The following MBNL1 variants were observed in gnomAD, a reference collection of about 807,000 sequenced individuals.
MBNL1 encodes muscleblind-like protein 1.
MBNL1 carries 8 observed loss-of-function variants against 42.2 expected under a neutral mutation model. That is an observed-to-expected ratio of 0.19 (90% CI 0.11 to 0.34). The LOEUF is 0.34. Among genes scored for constraint, MBNL1 ranks in the 10% least tolerant of loss-of-function variants. MBNL1 has a pLI of 1.00. For synonymous variants in MBNL1, 169 were observed against 173.9 expected (o/e 0.97, Z 0.22); for missense variants, 309 against 495.3 (o/e 0.62, Z 3.57).
intron 4 of MBNL1, among the ~76,000 whole-genome samples, chr3:152,437,954 A>G (rs2099100520): frequency 6.6e-6 from 1 of 151,928 alleles, no homozygotes. Context: ...TTGTATTTTC[A>G]GTGGAGATGG....
chr3:152,393,695 G>A (rs940072897), intron 2 of MBNL1, among the ~76,000 whole-genome samples: 1 of 151,892 alleles, frequency 6.6e-6, no homozygotes, highest in Non-Finnish European at 1.5e-5. Flanking sequence ...TTTCTATCCT[G>A]CATCACCCAG....
Position 152,420,525 on chromosome 3 carries a change from G to T in MBNL1, c.345+5414G>T, listed in dbSNP as rs542921107. Among the ~76,000 whole-genome samples the T allele has an allele frequency of 3.3e-5, 5 of 152,306 alleles. No homozygotes were observed. In the South Asian group the frequency reaches 1.0e-3, roughly 32 times the overall value. Reference sequence around the variant, plus strand: ...ACTCCAGCAGACCTGCAGCAGAGGGGCCTAACTGTTAGAAGGAAAACTAAC... The same window carrying T: ...ACTCCAGCAGACCTGCAGCAGAGGGTCCTAACTGTTAGAAGGAAAACTAAC... On this transcript the variant is annotated intron_variant, in intron 3 of 9. Coordinates refer to ENST00000324210, the MANE Select transcript of MBNL1 (RefSeq NM_021038.5).
chr3:152,310,542 T>C (rs1204128309), intron 2 of MBNL1, among the ~76,000 whole-genome samples: 1 of 152,230 alleles, frequency 6.6e-6, no homozygotes, highest in Non-Finnish European at 1.5e-5. Flanking sequence ...CATATTAGAC[T>C]GTTGTACATA....
In MBNL1 at chr3:152,432,926, A is replaced by G. The variant is rs1457538630; in HGVS notation, c.549+6A>G. On this transcript the variant is annotated splice_donor_region_variant and intron_variant, in intron 4 of 9. Transcript: ENST00000324210. Reference sequence around the variant, plus strand: ...TGCGAACAGACAGACTTGAGGTAGGAATGACTAGTTGGTGTCTTTATATAC... The same window carrying G: ...TGCGAACAGACAGACTTGAGGTAGGGATGACTAGTTGGTGTCTTTATATAC... 1 of 1,608,230 alleles carries G rather than the reference A, an allele frequency of 6.2e-7. No individual in the cohort carries two copies. Among genetic ancestry groups the G allele is most frequent in the Non-Finnish European group, 8.5e-7 (1 of 1,174,958 alleles).
chr3:152,326,390 C>A (rs1025737303), intron 2 of MBNL1, among the ~76,000 whole-genome samples: 19 of 152,102 alleles, frequency 1.2e-4, no homozygotes, highest in African/African-American at 4.3e-4. Context: ...TTAGTAATCC[C>A]TGCTTTTAAT....
intron 2 of MBNL1, among the ~76,000 whole-genome samples, chr3:152,323,072 CT>C (rs2077341332): frequency 6.6e-6 from 1 of 152,076 alleles, no homozygotes; most frequent in Non-Finnish European, 1.5e-5. Context: ...CCTAAGTAAA[CT>C]TGTGTAGAAT....
chr3:152,297,606 G>A (rs1448386952), intron 1 of MBNL1, among the ~76,000 whole-genome samples: 2 of 151,590 alleles, frequency 1.3e-5, no homozygotes, highest in Non-Finnish European at 2.9e-5. Flanking sequence ...TGCCTGCCTC[G>A]GCCTCCCAAA....
chr3:152,310,657 T>C (rs2065837266), intron 2 of MBNL1, among the ~76,000 whole-genome samples: 1 of 152,244 alleles, frequency 6.6e-6, no homozygotes, highest in Admixed American at 6.5e-5. Flanking sequence ...AAGTCACTTC[T>C]GAATAATTGC....
chr3:152,296,044 C>T (rs1354607590), intron 1 of MBNL1, among the ~76,000 whole-genome samples: 1 of 152,114 alleles, frequency 6.6e-6, no homozygotes, highest in Admixed American at 6.6e-5. Flanking sequence ...CTTTGCTGAG[C>T]AGTAAAGTAA....
chr3:152,448,791 A>T (rs1715690263), intron 6 of MBNL1, among the ~76,000 whole-genome samples: 1 of 152,172 alleles, frequency 6.6e-6, no homozygotes, highest in Non-Finnish European at 1.5e-5. Flanking sequence ...AGCTTTTAAT[A>T]CTAACCATAA....
intron 1 of MBNL1, among the ~76,000 whole-genome samples, chr3:152,279,632 A>G (rs1179589494): frequency 6.6e-6 from 1 of 152,172 alleles, no homozygotes; most frequent in African/African-American, 2.4e-5. Flanking sequence ...CATCTTCAGT[A>G]GATATGGTAT....
chr3:152,375,811 C>A (rs567018351), intron 2 of MBNL1, among the ~76,000 whole-genome samples: 255 of 150,896 alleles, frequency 1.7e-3, no homozygotes, highest in Non-Finnish European at 3.3e-3. Flanking sequence ...GGAGCCAAGA[C>A]CTTGTCTCAA....
Position 152,415,240 on chromosome 3 carries a change from CA to C in MBNL1, c.345+133del. ...TTTCAGTTGCCTTACCATTTTCTAG[CA>C]AAATTAAGTATCAGTCAAATGCTGG... On this transcript the variant is annotated intron_variant, in intron 3 of 9. Coordinates refer to ENST00000324210, the MANE Select transcript of MBNL1 (RefSeq NM_021038.5). 6 of 826,384 alleles carry C rather than the reference CA, an allele frequency of 7.3e-6. No individual in the cohort carries two copies. The South Asian group carries it at 1.7e-4, about 23-fold the overall frequency. The allele number at this position is 826,384 out of a possible 1,614,324, so 51.2% of individuals were successfully genotyped here.
At position 152,388,194 on chromosome 3, in the gene MBNL1, C is replaced by A. The variant is rs1579280730; in HGVS notation, c.175-26747C>A. 2.0e-5 allele frequency among the ~76,000 whole-genome samples: 3 copies of A among 152,124 alleles called. No homozygotes were observed. The East Asian group carries it at 5.8e-4, about 29-fold the overall frequency. On this transcript the variant is annotated intron_variant, in intron 2 of 9. Coordinates refer to ENST00000324210, the MANE Select transcript of MBNL1 (RefSeq NM_021038.5). Reference sequence around the variant, plus strand: ...TGGGAGGAAATTTTCATCAGGTGCTCTGAGTTGACTTGAGGACTCAGCTGG... The same window carrying A: ...TGGGAGGAAATTTTCATCAGGTGCTATGAGTTGACTTGAGGACTCAGCTGG...
intron 2 of MBNL1, chr3:152,341,075 T>G: frequency 2.6e-6 from 2 of 782,344 alleles, no homozygotes; most frequent in Non-Finnish European, 3.7e-6. Context: ...ACATTCAAGT[T>G]TATTCCCTCT....
intron 6 of MBNL1, among the ~76,000 whole-genome samples, chr3:152,455,119 GTAAGT>G (rs368371456): frequency 3.3e-5 from 5 of 151,274 alleles, no homozygotes; most frequent in African/African-American, 1.2e-4. Context: ...AATATCTTTA[GTAAGT>G]TAATATGTGC....
intron 2 of MBNL1, among the ~76,000 whole-genome samples, chr3:152,345,302 G>A (rs973333812): frequency 6.6e-6 from 1 of 151,962 alleles, no homozygotes; most frequent in African/African-American, 2.4e-5. Flanking sequence ...ATGTGTCCTT[G>A]GCAGTTTAAT....
At position 152,432,698 on chromosome 3, in the gene MBNL1, C is replaced by G. The variant is rs752958607; in HGVS notation, c.346-19C>G. The G allele has an allele frequency of 6.2e-7, 1 of 1,612,608 alleles. No individual in the cohort carries two copies. Among genetic ancestry groups the G allele is most frequent in the South Asian group, 1.1e-5 (1 of 91,042 alleles). ...GCTGAGACCTGCATGTTAAATTTTG[C>G]TTTTATTTTATTTTTCAGCCAATGT... is the stretch of plus-strand genomic sequence containing the variant. On this transcript the variant is annotated intron_variant, in intron 3 of 9. Coordinates refer to ENST00000324210, the MANE Select transcript of MBNL1 (RefSeq NM_021038.5).
chr3:152,247,526 AT>A (rs2033377211), intron 2 of MBNL1, among the ~76,000 whole-genome samples: 1 of 152,092 alleles, frequency 6.6e-6, no homozygotes, highest in Non-Finnish European at 1.5e-5. Flanking sequence ...ATTTAAAAAA[AT>A]AAATGAAATG....
Sources: allele counts gnomAD v4.1 joint callset (sites outside exome capture counted in the v4.1 genomes callset), GRCh38; gene constraint gnomAD v4.1.1; transcripts MANE v1.5; gene names NCBI Gene and HGNC (gene_info 2026-07-23, HGNC 2026-07-21).